The following LPIN2 variants were observed in gnomAD, a reference collection of about 807,000 sequenced individuals.
The protein encoded by LPIN2 is lipin 2, also known as phosphatidate phosphatase LPIN2.
LPIN2 carries 55 observed loss-of-function variants against 111.4 expected under a neutral mutation model. The ratio of observed to expected loss-of-function variants is 0.49; its 90% confidence interval spans 0.40 to 0.62. The LOEUF (loss-of-function observed/expected upper bound fraction) is 0.62, where lower values mean the gene tolerates loss of function less well. Among genes scored for constraint, LPIN2 ranks in the 20% least tolerant of loss-of-function variants. LPIN2 has a pLI of 0.00. For missense variants in LPIN2, 992 were observed against 1,112.1 expected (o/e 0.89, Z 1.54); for synonymous variants, 425 against 414.0 (o/e 1.03, Z -0.32).
At chr18:2,946,135 C>G (rs768827641) in intron 4 of LPIN2, 1 of 1,599,926 alleles carries the variant, frequency 6.3e-7, no homozygotes, top group Non-Finnish European at 8.6e-7. Flanking sequence ...TCCCTGATGA[C>G]AGTTTAAGTT....
At chr18:2,991,007 G>A (rs1056037517) in intron 1 of LPIN2, 3 of 568,836 alleles carry the variant, frequency 5.3e-6, no homozygotes, top group Non-Finnish European at 1.0e-5. Flanking sequence ...ATGATGCCTG[G>A]GCCCCCAATG....
At chr18:2,923,420 CAAAAAAAAAAA>C (rs869052239) in intron 16 of LPIN2, among the ~76,000 whole-genome samples, 8 of 26,594 alleles carry the variant, frequency 3.0e-4, no homozygotes, top group South Asian at 4.0e-3. Context: ...AACTCCATCT[CAAAAAAAAAAA>C]AAAAAAAAAA....
Position 2,920,135 on chromosome 18 carries a change from C to T in LPIN2, c.*158G>A, listed in dbSNP as rs547872442. On this transcript the variant is annotated 3_prime_UTR_variant, in exon 20 of 20. Transcript: ENST00000677752. ...GAGCTGCAGACCTGCCGAGCCTGAGCAGCTGGCCTGGGAAGGCAAAGGAGG... is the reference window on the plus strand; with the variant it reads ...GAGCTGCAGACCTGCCGAGCCTGAGTAGCTGGCCTGGGAAGGCAAAGGAGG... 1.3e-4 allele frequency: 119 copies of T among 939,768 alleles called. No homozygotes were observed. The African/African-American group carries it at 1.7e-3, about 13-fold the overall frequency. The allele number at this position is 939,768 out of a possible 1,614,324, so 58.2% of individuals were successfully genotyped here.
At chr18:2,970,137 G>A (rs1277834049) in intron 1 of LPIN2, among the ~76,000 whole-genome samples, 1 of 152,072 alleles carries the variant, frequency 6.6e-6, no homozygotes, top group East Asian at 1.9e-4. Flanking sequence ...TCAACCTTTG[G>A]GATACGTAAG....
chr18:2,924,527 T>C lies in LPIN2; in HGVS notation c.1958A>G (p.Asp653Gly). Residue 653 changes from aspartate to glycine, a missense_variant, in exon 15 of 20, where the codon GAT becomes GGT. Asp to Gly is a moderately conservative substitution (Grantham distance 94). Coordinates refer to ENST00000677752, the MANE Select transcript of LPIN2 (RefSeq NM_001375808.2). ...ACTAAACACAACATCATTTGGGCCATCGTGGAGCTTCAGTTTTGCCTTTTA... is the reference window on the plus strand; with the variant it reads ...ACTAAACACAACATCATTTGGGCCACCGTGGAGCTTCAGTTTTGCCTTTTA... ...SDQIAKLKLH[D>G]GPNDVVFSIT... is the part of the protein sequence containing the mutation. The C allele has an allele frequency of 1.2e-6, 2 of 1,614,250 alleles. No individual in the cohort carries two copies. The highest frequency in any genetic ancestry group is 1.3e-5 in the African/African-American group (1 of 75,062).
Position 2,986,353 on chromosome 18 carries a change from T to G in LPIN2, c.-9-25504A>C, listed in dbSNP as rs1413422873. Among the ~76,000 whole-genome samples, 12 of 152,164 alleles carry G rather than the reference T, an allele frequency of 7.9e-5. 1 individual carries two copies. Among genetic ancestry groups the G allele is most frequent in the Admixed American group, 7.9e-4 (12 of 15,274 alleles). On this transcript the variant is annotated intron_variant, in intron 1 of 19. Transcript: ENST00000677752. ...GATAGCTAGTGGCTGGCAATTTCAC[T>G]GAACTGTGAGTGAATAACCAAATGC...
intron 4 of LPIN2, among the ~76,000 whole-genome samples, chr18:2,943,524 A>G (rs1319731335): frequency 6.6e-6 from 1 of 152,136 alleles, no homozygotes; most frequent in African/African-American, 2.4e-5. Context: ...TTCAAATAAT[A>G]TTTCAATTAC....
chr18:2,952,153 G>A (rs117716861), intron 3 of LPIN2, among the ~76,000 whole-genome samples: 2,260 of 152,310 alleles, frequency 0.015, 22 homozygotes, highest in Non-Finnish European at 0.022. Flanking sequence ...CAGGCAGAAC[G>A]TGGTGGCTCA....
intron 12 of LPIN2, 51 bp downstream of exon 12, chr18:2,927,671 A>C (rs372290743): frequency 4.5e-4 from 707 of 1,587,864 alleles, no homozygotes; most frequent in Non-Finnish European, 5.8e-4. Flanking sequence ...TGAATAAATG[A>C]AAGATTCATT....
chr18:2,994,393 G>C (rs1367434496), intron 1 of LPIN2, among the ~76,000 whole-genome samples: 1 of 152,242 alleles, frequency 6.6e-6, no homozygotes, highest in East Asian at 1.9e-4. Flanking sequence ...GGCTCCCTAG[G>C]GCAGCTGGCA....
intron 7 of LPIN2, among the ~76,000 whole-genome samples, chr18:2,936,877 C>A (rs2077293734): frequency 2.0e-5 from 3 of 152,114 alleles, no homozygotes; most frequent in Admixed American, 1.3e-4. Context: ...CTGCACCTAG[C>A]CTTCTACCTA....
chr18:2,928,469 A>C (rs1396499130), intron 11 of LPIN2, 122 bp downstream of exon 11: 1 of 951,828 alleles, frequency 1.1e-6, no homozygotes, highest in Non-Finnish European at 1.7e-6. Context: ...TTTTATATTA[A>C]ATATTAAGCT....
At chr18:3,007,392 C>T (rs1046024919) in intron 1 of LPIN2, among the ~76,000 whole-genome samples, 5 of 152,150 alleles carry the variant, frequency 3.3e-5, no homozygotes, top group East Asian at 3.9e-4. Context: ...AGGATGGTCT[C>T]GATCTCCTGA....
chr18:2,987,505 A>G (rs188714942), intron 1 of LPIN2, among the ~76,000 whole-genome samples: 1 of 152,250 alleles, frequency 6.6e-6, no homozygotes, highest in African/African-American at 2.4e-5. Flanking sequence ...ACATTCCTTG[A>G]CTTATTTTTT....
In LPIN2 at chr18:2,917,803, G is replaced by T. The variant is rs1341689625; in HGVS notation, c.*2490C>A. 6.6e-6 allele frequency: 1 copy of T among 152,262 alleles called. No homozygotes were observed. Among genetic ancestry groups the T allele is most frequent in the South Asian group, 2.1e-4 (1 of 4,806 alleles). 9.4% of individuals were successfully genotyped at this position (152,262 alleles called of 1,614,324 possible). On this transcript the variant is annotated 3_prime_UTR_variant, in exon 20 of 20. Coordinates refer to ENST00000677752, the MANE Select transcript of LPIN2 (RefSeq NM_001375808.2). Reference sequence around the variant, plus strand: ...GAGACTTAGACTGAACTGCAAAGAGGGAAAGGGCCATTTCACCAATGGAGT... The same window carrying T: ...GAGACTTAGACTGAACTGCAAAGAGTGAAAGGGCCATTTCACCAATGGAGT...
At chr18:2,938,945 G>C (rs569010030) in intron 6 of LPIN2, among the ~76,000 whole-genome samples, 17 of 152,178 alleles carry the variant, frequency 1.1e-4, no homozygotes, top group Non-Finnish European at 2.2e-4. Context: ...CTTGAGCCCA[G>C]GAGTTTGCGA....
chr18:2,937,681 CA>C lies in LPIN2; in HGVS notation c.1168+10del, dbSNP rs2144194161. The C allele has an allele frequency of 4.4e-6, 7 of 1,604,582 alleles. No homozygotes were observed. Among genetic ancestry groups the C allele is most frequent in the Non-Finnish European group, 6.0e-6 (7 of 1,174,440 alleles). ...TGAGAGTACCTGGAGCCAAATTAAA[CA>C]AACGATTACCTTTCTTCTTTGACGG... is the stretch of plus-strand genomic sequence containing the variant. On this transcript the variant is annotated intron_variant, in intron 7 of 19. Transcript: ENST00000677752.
At chr18:2,941,210 C>G (rs2077363093) in intron 4 of LPIN2, among the ~76,000 whole-genome samples, 1 of 152,166 alleles carries the variant, frequency 6.6e-6, no homozygotes, top group African/African-American at 2.4e-5. Context: ...TGAAGACAAA[C>G]AAGATCTATG....
At chr18:2,983,051 TCA>T (rs1323180900) in intron 1 of LPIN2, among the ~76,000 whole-genome samples, 1 of 152,192 alleles carries the variant, frequency 6.6e-6, no homozygotes, top group Non-Finnish European at 1.5e-5. Flanking sequence ...ACCTGCCCAA[TCA>T]CATGATGGCC....
Sources: allele counts gnomAD v4.1 joint callset (sites outside exome capture counted in the v4.1 genomes callset), GRCh38; gene constraint gnomAD v4.1.1; transcripts MANE v1.5; gene names NCBI Gene and HGNC (gene_info 2026-07-23, HGNC 2026-07-21).